The following SLC39A10 variants were observed in gnomAD, a reference collection of about 807,000 sequenced individuals.
SLC39A10 encodes solute carrier family 39 member 10, also known as zinc transporter ZIP10.
SLC39A10 carries 13 observed loss-of-function variants against 65.1 expected under a neutral mutation model. The ratio of observed to expected loss-of-function variants is 0.20; its 90% CI spans 0.13 to 0.32. The LOEUF (loss-of-function observed/expected upper bound fraction) is 0.32, where lower values mean the gene tolerates loss of function less well. Ranked by LOEUF, SLC39A10 falls within the 10% of genes least tolerant of loss-of-function variation. The pLI, the probability that SLC39A10 is intolerant of heterozygous loss-of-function variation, is 1.00. For missense variants in SLC39A10, 831 were observed against 1,018.4 expected (o/e 0.82, Z 2.50); for synonymous variants, 321 against 342.2 (o/e 0.94, Z 0.68).
At chr2:195,674,150 G>T (rs1216716854) in intron 1 of SLC39A10, among the ~76,000 whole-genome samples, 1 of 152,090 alleles carries the variant, frequency 6.6e-6, no homozygotes, top group Non-Finnish European at 1.5e-5. Context: ...TTAATACAAA[G>T]TCCTTCATAG....
intron 2 of SLC39A10, among the ~76,000 whole-genome samples, chr2:195,641,583 C>T (rs967019160): frequency 2.0e-5 from 3 of 151,816 alleles, no homozygotes; most frequent in Non-Finnish European, 4.4e-5. Flanking sequence ...AGAAATCCAA[C>T]GTATGTTTTA....
intron 9 of SLC39A10, 49 bp from the exon 10 acceptor site, chr2:195,734,834 T>G (rs930409043): frequency 1.1e-5 from 16 of 1,500,226 alleles, no homozygotes; most frequent in Admixed American, 4.8e-5. Flanking sequence ...AAAAACTGTT[T>G]TGAGCAGAAG....
At chr2:195,630,419 A>G (rs1688563176) in intron 2 of SLC39A10, among the ~76,000 whole-genome samples, 1 of 152,190 alleles carries the variant, frequency 6.6e-6, no homozygotes, top group South Asian at 2.1e-4. Flanking sequence ...ACCTCCAAGT[A>G]TTCCGCTATT....
intron 9 of SLC39A10, among the ~76,000 whole-genome samples, chr2:195,731,298 G>A (rs775201389): frequency 3.3e-5 from 5 of 152,018 alleles, no homozygotes; most frequent in Admixed American, 6.6e-5. Context: ...TCACCCCTCC[G>A]GAATAGTTTT....
chr2:195,622,972 C>CA (rs11440347), intron 2 of SLC39A10, among the ~76,000 whole-genome samples: 44,266 of 95,590 alleles, frequency 0.46, 10,645 homozygotes, highest in Non-Finnish European at 0.53. Context: ...ACTCCTGTCT[C>CA]AAAAAAAAAA....
chr2:195,662,013 G>A (rs1009350461), intron 1 of SLC39A10, among the ~76,000 whole-genome samples: 5 of 152,078 alleles, frequency 3.3e-5, no homozygotes, highest in East Asian at 1.9e-4. Flanking sequence ...AGCCCATCCC[G>A]TTAAGATTTT....
rs1239788205 is a variant in SLC39A10 at position 195,700,514 on chromosome 2, ATCGCCACACCTT to A, written c.1217-6099_1217-6088del. On this transcript the variant is annotated intron_variant, in intron 3 of 9. Coordinates refer to ENST00000359634, the MANE Select transcript of SLC39A10 (RefSeq NM_020342.3). ...AAAAATTCTGCTCCTTTACAACTTC[ATCGCCACACCTT>A]TCTCCACACCTTTCAGGTTACTGTT... Among the ~76,000 whole-genome samples, 4 of 152,138 alleles carry A rather than the reference ATCGCCACACCTT, an allele frequency of 2.6e-5. No homozygotes were observed. The South Asian group carries it at 6.2e-4, about 24-fold the overall frequency.
At chr2:195,619,316 G>A (rs578182906) in intron 2 of SLC39A10, among the ~76,000 whole-genome samples, 73 of 152,266 alleles carry the variant, frequency 4.8e-4, no homozygotes, top group Non-Finnish European at 9.4e-4. Flanking sequence ...TTAGCTATAG[G>A]TAGTAAAAGA....
intron 1 of SLC39A10, chr2:195,674,731 T>C (rs1327251828): frequency 7.3e-6 from 6 of 821,106 alleles, no homozygotes; most frequent in Non-Finnish European, 8.8e-6. Context: ...GTGAACATCA[T>C]AGAGTATACT....
chr2:195,632,289 C>G (rs542930133), intron 2 of SLC39A10, among the ~76,000 whole-genome samples: 138 of 116,310 alleles, frequency 1.2e-3, no homozygotes, highest in African/African-American at 4.5e-3. Context: ...CATTCTACTT[C>G]CTTTTTTTTT....
At chr2:195,724,413 A>G (rs1179794439) in intron 8 of SLC39A10, among the ~76,000 whole-genome samples, 1 of 152,200 alleles carries the variant, frequency 6.6e-6, no homozygotes, top group East Asian at 1.9e-4. Context: ...GAGGAAAAAG[A>G]GAAAAATATG....
intron 2 of SLC39A10, among the ~76,000 whole-genome samples, chr2:195,633,288 C>A (rs571280429): frequency 1.4e-3 from 213 of 152,374 alleles, no homozygotes; most frequent in African/African-American, 4.5e-3. Context: ...TGCGCTCAAC[C>A]CCTCGTGGGA....
At chr2:195,687,340 GAA>G (rs67347322) in intron 3 of SLC39A10, among the ~76,000 whole-genome samples, 71,569 of 151,960 alleles carry the variant, frequency 0.47, 17,978 homozygotes, top group Non-Finnish European at 0.57. Context: ...GAAGGCTTCT[GAA>G]AAGATTCTTA....
At position 195,737,200 on chromosome 2, in the gene SLC39A10, G is replaced by T. The variant is rs1692656844; in HGVS notation, c.*2159G>T. ...TATTAGGGTTCCACATCATTCTAAT[G>T]TATAGTTTCAAGTCTTAATAGACAA... On this transcript the variant is annotated 3_prime_UTR_variant, in exon 10 of 10. Transcript: ENST00000359634. 1 of 152,612 alleles carries T rather than the reference G, an allele frequency of 6.6e-6. No homozygotes were observed. The highest frequency in any genetic ancestry group is 2.1e-4 in the South Asian group (1 of 4,830). 9.5% of individuals were successfully genotyped at this position (152,612 alleles called of 1,614,324 possible). A position where few individuals can be genotyped will look rare whatever the true frequency, so the allele number is the denominator to read the frequency against.
In SLC39A10 at chr2:195,683,883, A is replaced by G. The variant is rs1280384330; in HGVS notation, c.1193A>G (p.Asp398Gly). Reference protein sequence around the residue: ...INKDKNLVPEDEANIGASAWI... With the variant: ...INKDKNLVPEGEANIGASAWI... ...AAGGATAAAAACCTGGTTCCTGAAG[A>G]TGAGGCAAATATAGGGGCATCAGGT... The change falls in exon 3 of 10, where the codon GAT becomes GGT. Residue 398 changes from aspartate (D) to glycine (G), a missense_variant. Transcript: ENST00000359634. 3 of 1,612,424 alleles carry G rather than the reference A, an allele frequency of 1.9e-6. No homozygotes were observed. The highest frequency in any genetic ancestry group is 2.5e-6 in the Non-Finnish European group (3 of 1,179,238).
Position 195,691,956 on chromosome 2 carries a change from A to G in SLC39A10, c.1216+8050A>G, listed in dbSNP as rs141959100. Among the ~76,000 whole-genome samples the G allele has an allele frequency of 8.1e-3, 1,239 of 152,192 alleles. 10 individuals carry two copies. The highest frequency in any genetic ancestry group is 0.021 in the South Asian group (103 of 4,826). On this transcript the variant is annotated intron_variant, in intron 3 of 9. Coordinates refer to ENST00000359634, the MANE Select transcript of SLC39A10 (RefSeq NM_020342.3). ...GTCTTTGCCTAAGCCAATGTCTAGAAGGGTGTTTCCAATGTTCTGGTTTCA... is the reference window on the plus strand; with the variant it reads ...GTCTTTGCCTAAGCCAATGTCTAGAGGGGTGTTTCCAATGTTCTGGTTTCA...
chr2:195,657,123 G>A (rs1189287025), upstream of SLC39A10: 1 of 152,834 alleles, frequency 6.5e-6, no homozygotes, highest in Non-Finnish European at 1.5e-5. Flanking sequence ...GCTGCGCAGG[G>A]AGCTGAGTGG....
chr2:195,716,649 C>T lies in SLC39A10; in HGVS notation c.1709C>T (p.Ser570Leu), dbSNP rs1265456883. ...GCTATAAATACAGGAACTGATGACT[C>T]GGTTGTTTCTGAAGATCGACTTAAT... is the stretch of plus-strand genomic sequence containing the variant. ...QLKPLAGTDDSVVSEDRLNET... is the reference protein window; with the variant it reads ...QLKPLAGTDDLVVSEDRLNET... The change falls in exon 7 of 10, where the codon TCG becomes TTG. Residue 570 changes from serine to leucine, a missense_variant. Physicochemically the swap from Ser to Leu is moderately radical, Grantham distance 145. Coordinates refer to ENST00000359634, the MANE Select transcript of SLC39A10 (RefSeq NM_020342.3). The T allele has an allele frequency of 6.9e-6, 11 of 1,603,042 alleles. No individual in the cohort carries two copies. The East Asian group carries it at 1.6e-4, about 23-fold the overall frequency.
intron 8 of SLC39A10, among the ~76,000 whole-genome samples, chr2:195,722,341 G>A (rs1040341338): frequency 1.3e-5 from 2 of 152,224 alleles, no homozygotes; most frequent in Admixed American, 6.5e-5. Flanking sequence ...GGAAGAAACA[G>A]TGTAAAGAAA....
Sources: gnomAD v4.1 joint callset for allele counts (sites outside exome capture counted in the v4.1 genomes callset) on GRCh38, gnomAD v4.1.1 for gene constraint, MANE v1.5 for transcripts, NCBI Gene and HGNC (gene_info 2026-07-23, HGNC 2026-07-21) for gene names.